The following NRXN2 variants were observed in gnomAD, a reference collection of about 807,000 sequenced individuals.
The protein encoded by NRXN2 is neurexin-2-beta.
In NRXN2, 29 loss-of-function variants were observed where a neutral mutation model predicts 128.8. The ratio of observed to expected loss-of-function variants is 0.23; its 90% CI spans 0.17 to 0.31. The LOEUF (loss-of-function observed/expected upper bound fraction) is 0.31, where lower values mean the gene tolerates loss of function less well. NRXN2 is among the 10% of genes least tolerant of loss of function. NRXN2 has a pLI of 1.00. For synonymous variants in NRXN2, 1,098 were observed against 1,075.2 expected (o/e 1.02, Z -0.41); for missense variants, 1,881 against 2,452.6 (o/e 0.77, Z 4.92).
At chr11:64,642,806 C>A (rs1335080278) in intron 17 of NRXN2, 2 of 1,137,418 alleles carry the variant, frequency 1.8e-6, no homozygotes, top group Non-Finnish European at 2.2e-6. Flanking sequence ...GGGGGCATTT[C>A]GGCCCGGGGG....
At chr11:64,617,717 CT>C in intron 22 of NRXN2, among the ~76,000 whole-genome samples, 1 of 152,166 alleles carries the variant, frequency 6.6e-6, no homozygotes, top group Non-Finnish European at 1.5e-5. Context: ...GAAAAGCCTC[CT>C]TGCATTTGGG....
At position 64,667,957 on chromosome 11, in the gene NRXN2, C is replaced by T. The variant is rs1301816315; in HGVS notation, c.1360-269G>A. On this transcript the variant is annotated intron_variant, in intron 8 of 22. Coordinates refer to ENST00000265459, the MANE Select transcript of NRXN2 (RefSeq NM_015080.4). The surrounding 1 kb of genome is among the most constrained non-coding windows in gnomAD (Gnocchi z 5.6). The stretch of plus-strand genomic sequence containing the variant: ...TGGGTTCTCAGTGCCCACTAAATTG[C>T]AGTTCATAATAATGACAAGGCCACT... Among the ~76,000 whole-genome samples, 11 of 152,194 alleles carry T rather than the reference C, an allele frequency of 7.2e-5. No homozygotes were observed. The highest frequency in any genetic ancestry group is 2.7e-4 in the African/African-American group (11 of 41,438).
chr11:64,644,026 A>G (rs2046265698), intron 17 of NRXN2, among the ~76,000 whole-genome samples: 1 of 152,044 alleles, frequency 6.6e-6, no homozygotes, highest in South Asian at 2.1e-4. Context: ...ATATGGGCAC[A>G]GTGTGCGGGT....
At chr11:64,691,507 C>T (rs2053796599) in intron 4 of NRXN2, among the ~76,000 whole-genome samples, 1 of 152,226 alleles carries the variant, frequency 6.6e-6, no homozygotes, top group Non-Finnish European at 1.5e-5. Flanking sequence ...GGGGAAAAGT[C>T]TCTAAATGGG....
At chr11:64,645,428 G>T (rs2046498351) in intron 17 of NRXN2, among the ~76,000 whole-genome samples, 2 of 152,270 alleles carry the variant, frequency 1.3e-5, no homozygotes, top group Non-Finnish European at 2.9e-5. Flanking sequence ...ACGGAGACAG[G>T]GAGGCAGAGA....
At chr11:64,626,326 G>A in intron 20 of NRXN2, 137 bp downstream of exon 20, 1 of 690,484 alleles carries the variant, frequency 1.4e-6, no homozygotes, top group Non-Finnish European at 2.5e-6. Context: ...GGGGAAGGGA[G>A]CATTCTGGCT....
At chr11:64,673,879 A>T (rs1565374996) in intron 7 of NRXN2, among the ~76,000 whole-genome samples, 1 of 152,094 alleles carries the variant, frequency 6.6e-6, no homozygotes. Context: ...CTCTACTAAA[A>T]TACAAAAAAT....
rs148964237 is a variant in NRXN2 at position 64,669,590 on chromosome 11, C to G, written c.1198-986G>C. Among the ~76,000 whole-genome samples the G allele has an allele frequency of 1.6e-3, 240 of 152,234 alleles. 1 individual carries two copies. The highest frequency in any genetic ancestry group is 5.6e-3 in the African/African-American group (232 of 41,538). On this transcript the variant is annotated intron_variant, in intron 7 of 22. Coordinates refer to ENST00000265459, the MANE Select transcript of NRXN2 (RefSeq NM_015080.4). ...GGGCTCAGCGGTGGCCTGGAGAATG[C>G]AGAAGTAATCTTAGATGGGGCGGGG...
chr11:64,685,608 G>T (rs1229626411), intron 6 of NRXN2, 38 bp downstream of exon 6: 1 of 1,613,646 alleles, frequency 6.2e-7, no homozygotes, highest in Non-Finnish European at 8.5e-7. Context: ...TCTACCCCAG[G>T]TATAGCTAAT....
rs1280644404 is a variant in NRXN2 at position 64,651,363 on chromosome 11, T to C, written c.2810A>G (p.Tyr937Cys). 20 of 1,614,006 alleles carry C rather than the reference T, an allele frequency of 1.2e-5. No homozygotes were observed. Among genetic ancestry groups the C allele is most frequent in the South Asian group, 2.2e-5 (2 of 91,084 alleles). Residue 937 changes from tyrosine (Y) to cysteine (C), a missense_variant, in exon 14 of 23, where the codon TAT (tyrosine) becomes TGT (cysteine). By Grantham distance (194) the Tyr-to-Cys change is radical. Around this residue, in one of 7 missense-constraint regions of NRXN2, gnomAD observed 390 missense variants for 599.6 expected, o/e 0.65. Transcript: ENST00000265459. The surrounding 1 kb of genome is among the most constrained non-coding windows in gnomAD (Gnocchi z 5.9). Reference sequence around the variant, plus strand: ...CTGGAAGAAGAGGTGCATGGAAGCATAGGCTTGGAGCGTGGCGAGTGCCAG... The same window carrying C: ...CTGGAAGAAGAGGTGCATGGAAGCACAGGCTTGGAGCGTGGCGAGTGCCAG... Reference protein sequence around the residue: ...SYLALATLQAYASMHLFFQFK... With the variant: ...SYLALATLQACASMHLFFQFK...
chr11:64,677,138 T>G, intron 6 of NRXN2, 101 bp from the exon 7 acceptor site: 1 of 793,706 alleles, frequency 1.3e-6, no homozygotes, highest in African/African-American at 1.7e-5. Context: ...AAAAATAAAA[T>G]GACCAACTGT....
Position 64,661,002 on chromosome 11 carries a change from A to T in NRXN2, c.1936T>A (p.Trp646Arg). 6.2e-7 allele frequency: 1 copy of T among 1,613,678 alleles called. No homozygotes were observed. Among genetic ancestry groups the T allele is most frequent in the Non-Finnish European group, 8.5e-7 (1 of 1,179,956 alleles). ...RVDLPLPPEVWTAALRAGYVG... is the reference protein window; with the variant it reads ...RVDLPLPPEVRTAALRAGYVG... ...TAGCCTGCCCGGAGTGCTGCTGTCC[A>T]CACCTCTGGGGGCAGGGGCAGGTCC... The change falls in exon 10 of 23, where the codon TGG becomes AGG. Residue 646 changes from tryptophan (W) to arginine (R), a missense_variant. By Grantham distance (101) the Trp-to-Arg change is moderately radical. Coordinates refer to ENST00000265459, the MANE Select transcript of NRXN2 (RefSeq NM_015080.4).
At position 64,643,002 on chromosome 11, in the gene NRXN2, C is replaced by T. The variant is rs920073046; in HGVS notation, c.3403+5217G>A. On this transcript the variant is annotated intron_variant, in intron 17 of 22. Transcript: ENST00000265459. ...GCCGGGAAATCGGGGGTCCGCGGAG[C>T]GGCAACGCCAAGGTCCAGGATGCCT... 63 of 1,008,832 alleles carry T rather than the reference C, an allele frequency of 6.2e-5. 1 individual carries two copies. The African/African-American group carries it at 1.1e-3, about 17-fold the overall frequency. 62.5% of individuals were successfully genotyped at this position (1,008,832 alleles called of 1,614,324 possible).
At chr11:64,663,801 C>T (rs533555740) in intron 9 of NRXN2, among the ~76,000 whole-genome samples, 1 of 152,236 alleles carries the variant, frequency 6.6e-6, no homozygotes, top group East Asian at 1.9e-4. Context: ...AAGCATCCAC[C>T]AACAGATAGA....
intron 3 of NRXN2, among the ~76,000 whole-genome samples, chr11:64,696,528 T>TACACACACACACACAC (rs58158687): frequency 1.8e-4 from 25 of 138,860 alleles, no homozygotes; most frequent in Middle Eastern, 3.7e-3. Context: ...CATACATACA[T>TACACACACACACACAC]ACACACACAC....
intron 2 of NRXN2, among the ~76,000 whole-genome samples, chr11:64,699,394 A>T: frequency 6.7e-6 from 1 of 149,128 alleles, no homozygotes. Context: ...TGACAGCTGC[A>T]TCACCTAAAA....
chr11:64,634,424 G>C (rs973791353), intron 18 of NRXN2, among the ~76,000 whole-genome samples: 2 of 152,146 alleles, frequency 1.3e-5, no homozygotes, highest in African/African-American at 4.8e-5. Flanking sequence ...CCAGAGATGG[G>C]GGAAAGGGCA....
At chr11:64,652,519 C>T (rs1286189280) in intron 12 of NRXN2, among the ~76,000 whole-genome samples, 1 of 152,146 alleles carries the variant, frequency 6.6e-6, no homozygotes, top group Admixed American at 6.6e-5. Flanking sequence ...CTATGACCAA[C>T]ATACTCTTCC....
chr11:64,697,851 T>C, intron 2 of NRXN2, 59 bp from the exon 3 acceptor site: 1 of 1,602,692 alleles, frequency 6.2e-7, no homozygotes, highest in East Asian at 2.2e-5. Flanking sequence ...AGGAGGGCTG[T>C]TAGCAAAGGT....
Sources: gnomAD v4.1 joint callset for allele counts (sites outside exome capture counted in the v4.1 genomes callset) on GRCh38, gnomAD v4.1.1 for gene constraint, gnomAD v4.1.1 regional missense constraint, Gnocchi (gnomAD v3.1) non-coding constraint, MANE v1.5 for transcripts, NCBI Gene and HGNC (gene_info 2026-07-23, HGNC 2026-07-21) for gene names.